Variants in SCAPER observed in about 807,000 individuals in gnomAD.
SCAPER encodes S-phase cyclin A associated protein in the ER, also known as S phase cyclin A-associated protein in the endoplasmic reticulum.
SCAPER carries 98 observed loss-of-function variants against 182.2 expected under a neutral mutation model. The observed-to-expected ratio is 0.54, with a 90% CI of 0.46 to 0.64. SCAPER has a LOEUF of 0.64. Ranked by LOEUF, SCAPER falls within the 30% of genes least tolerant of loss-of-function variation. SCAPER has a pLI of 0.00. For missense variants in SCAPER, 1,432 were observed against 1,690.0 expected (o/e 0.85, Z 2.68); for synonymous variants, 605 against 564.6 (o/e 1.07, Z -1.01).
chr15:76,836,214 A>G (rs551172703), intron 5 of SCAPER, among the ~76,000 whole-genome samples: 7 of 152,284 alleles, frequency 4.6e-5, no homozygotes, highest in African/African-American at 1.4e-4. Context: ...AGAATTCAAA[A>G]AAACTATTCT....
chr15:76,774,859 G>T lies in SCAPER; in HGVS notation c.1031C>A (p.Thr344Asn), dbSNP rs1245933598. 6 of 1,610,226 alleles carry T rather than the reference G, an allele frequency of 3.7e-6. No homozygotes were observed. The highest frequency in any genetic ancestry group is 5.1e-6 in the Non-Finnish European group (6 of 1,178,150). The change falls in exon 9 of 32, where the codon ACC (threonine) becomes AAC (asparagine). Residue 344 changes from threonine to asparagine, a missense_variant. Coordinates refer to ENST00000563290, the MANE Select transcript of SCAPER (RefSeq NM_020843.4). Reference protein sequence around the residue: ...HSCDHPLAEKTQFTVSTLDDV... With the variant: ...HSCDHPLAEKNQFTVSTLDDV... ...AGGATTTTCAGAATGTACTACCTGG[G>T]TTTTTTCGGCAAGAGGATGGTCACA... is the stretch of plus-strand genomic sequence containing the variant.
chr15:76,385,476 C>G (rs904384472), intron 27 of SCAPER, among the ~76,000 whole-genome samples: 7 of 152,170 alleles, frequency 4.6e-5, no homozygotes, highest in African/African-American at 1.7e-4. Context: ...TGAGAACATC[C>G]CATTTTAGCC....
In SCAPER at chr15:76,841,630, G is replaced by C. The variant is rs2069491329; in HGVS notation, c.393+104C>G. The stretch of plus-strand genomic sequence containing the variant: ...TCACTACACTCCAGCCTGGGCGACA[G>C]AGCAAAACTCCATCTCAAAGAAAAA... On this transcript the variant is annotated intron_variant, in intron 5 of 31. Transcript: ENST00000563290. 1.2e-5 allele frequency: 14 copies of C among 1,198,636 alleles called. No homozygotes were observed. In the South Asian group the frequency reaches 2.0e-4, roughly 17 times the overall value. 74.3% of individuals were successfully genotyped at this position (1,198,636 alleles called of 1,614,324 possible). A position where few individuals can be genotyped will look rare whatever the true frequency, so the allele number is the denominator to read the frequency against.
At chr15:76,404,810 G>T in intron 26 of SCAPER, 131 bp from the exon 27 acceptor site, 1 of 703,062 alleles carries the variant, frequency 1.4e-6, no homozygotes, top group Non-Finnish European at 2.1e-6. Flanking sequence ...TTTGAGTAAA[G>T]CATCTCAAGT....
At chr15:76,767,518 T>C (rs1285546335) in intron 10 of SCAPER, among the ~76,000 whole-genome samples, 1 of 152,120 alleles carries the variant, frequency 6.6e-6, no homozygotes, top group Non-Finnish European at 1.5e-5. Context: ...TTTCTGAACA[T>C]ACATACACCT....
At chr15:76,468,550 C>A (rs17364076) in intron 25 of SCAPER, among the ~76,000 whole-genome samples, 1 of 151,808 alleles carries the variant, frequency 6.6e-6, no homozygotes, top group Non-Finnish European at 1.5e-5. Flanking sequence ...GATCAAGGTA[C>A]CCACAAGCTC....
At chr15:76,523,427 TATGTAA>T (rs1029054792) in intron 23 of SCAPER, among the ~76,000 whole-genome samples, 8 of 152,178 alleles carry the variant, frequency 5.3e-5, no homozygotes, top group Middle Eastern at 3.4e-3. Context: ...GATTGTCCTT[TATGTAA>T]ATCTGATAGA....
intron 22 of SCAPER, among the ~76,000 whole-genome samples, chr15:76,620,126 T>C (rs1032185318): frequency 1.3e-5 from 2 of 152,130 alleles, no homozygotes; most frequent in Admixed American, 6.6e-5. Context: ...CTTCTTTTTA[T>C]TGCTATTGTA....
intron 2 of SCAPER, among the ~76,000 whole-genome samples, chr15:76,873,389 T>C (rs893911442): frequency 6.4e-5 from 9 of 139,882 alleles, no homozygotes; most frequent in African/African-American, 2.4e-4. Flanking sequence ...CAGGCAGGCA[T>C]CTCTAGGGTG....
intron 25 of SCAPER, among the ~76,000 whole-genome samples, chr15:76,451,751 T>C (rs1260687542): frequency 6.6e-6 from 1 of 152,226 alleles, no homozygotes; most frequent in Non-Finnish European, 1.5e-5. Context: ...GCTGTGTGTA[T>C]GACCTTAGAA....
intron 8 of SCAPER, among the ~76,000 whole-genome samples, chr15:76,778,884 T>C (rs1247179224): frequency 6.6e-6 from 1 of 151,890 alleles, no homozygotes; most frequent in Non-Finnish European, 1.5e-5. Context: ...AAAACACAGG[T>C]AGGCTGAAAG....
intron 17 of SCAPER, among the ~76,000 whole-genome samples, chr15:76,721,118 G>A (rs939552823): frequency 6.6e-6 from 1 of 152,154 alleles, no homozygotes; most frequent in Non-Finnish European, 1.5e-5. Context: ...TGTAAGGAAG[G>A]GATCCAGTTT....
intron 15 of SCAPER, among the ~76,000 whole-genome samples, chr15:76,745,154 G>A (rs770715448): frequency 6.6e-6 from 1 of 152,044 alleles, no homozygotes; most frequent in Non-Finnish European, 1.5e-5. Flanking sequence ...AGGGAAGGGA[G>A]AGAAGGTTAA....
chr15:76,881,328 T>G (rs1448770316), intron 2 of SCAPER, among the ~76,000 whole-genome samples: 2 of 152,176 alleles, frequency 1.3e-5, no homozygotes, highest in African/African-American at 4.8e-5. Flanking sequence ...ACTCCTGACC[T>G]CAAGTGAGCC....
intron 22 of SCAPER, among the ~76,000 whole-genome samples, chr15:76,600,729 C>T (rs1485091216): frequency 5.0e-5 from 6 of 119,822 alleles, no homozygotes; most frequent in African/African-American, 1.5e-4. Context: ...GGATTACAGG[C>T]GTGAGCCACT....
chr15:76,373,574 G>C (rs1310561913), intron 29 of SCAPER, among the ~76,000 whole-genome samples: 1 of 152,146 alleles, frequency 6.6e-6, no homozygotes, highest in Non-Finnish European at 1.5e-5. Flanking sequence ...GAAAGGGAAG[G>C]ACACTGTCTG....
intron 22 of SCAPER, among the ~76,000 whole-genome samples, chr15:76,603,742 A>G (rs531810317): frequency 1.6e-5 from 2 of 121,670 alleles, no homozygotes; most frequent in African/African-American, 5.0e-5. Context: ...GTGAGATGGT[A>G]TCTCATTGTG....
intron 5 of SCAPER, among the ~76,000 whole-genome samples, chr15:76,834,514 C>A (rs1239474585): frequency 6.6e-6 from 1 of 152,042 alleles, no homozygotes; most frequent in South Asian, 2.1e-4. Flanking sequence ...CCGAGCTGAA[C>A]TGAACACTGA....
chr15:76,858,711 G>A (rs1172855692), intron 3 of SCAPER, among the ~76,000 whole-genome samples: 1 of 152,124 alleles, frequency 6.6e-6, no homozygotes, highest in Non-Finnish European at 1.5e-5. Context: ...TTATAAATGA[G>A]AACGTGCAGT....
Sources: gnomAD v4.1 joint callset for allele counts (sites outside exome capture counted in the v4.1 genomes callset) on GRCh38, gnomAD v4.1.1 for gene constraint, MANE v1.5 for transcripts, NCBI Gene and HGNC (gene_info 2026-07-23, HGNC 2026-07-21) for gene names.